DAB1: variants seen among roughly 807,000 people sequenced by gnomAD.
DAB1 encodes disabled homolog 1.
A neutral mutation model predicts 64.6 loss-of-function variants in DAB1; 15 were observed. That is an observed-to-expected ratio of 0.23 (90% CI 0.16 to 0.36). DAB1 has a LOEUF of 0.36. Ranked by LOEUF, DAB1 falls within the 10% of genes least tolerant of loss-of-function variation. The pLI, the probability that DAB1 is intolerant of heterozygous loss-of-function variation, is 1.00. For missense variants in DAB1, 596 were observed against 706.7 expected, an observed-to-expected ratio of 0.84 and a Z score of 1.78; for synonymous variants, 235 against 251.9, an observed-to-expected ratio of 0.93 and a Z score of 0.64.
At chr1:58,006,107 TG>T (rs904580054) in intron 5 of DAB1, among the ~76,000 whole-genome samples, 3 of 152,192 alleles carry the variant, frequency 2.0e-5, no homozygotes, top group African/African-American at 7.2e-5. Context: ...CACGAAGGCT[TG>T]GGGCCATGTC....
At chr1:57,827,277 C>T (rs1652392427) in intron 1 of DAB1, among the ~76,000 whole-genome samples, 1 of 152,128 alleles carries the variant, frequency 6.6e-6, no homozygotes, top group African/African-American at 2.4e-5. Flanking sequence ...TTAAAGGGAT[C>T]CTGTACTATA....
At chr1:58,053,696 A>G (rs1481661171) in intron 5 of DAB1, among the ~76,000 whole-genome samples, 1 of 152,244 alleles carries the variant, frequency 6.6e-6, no homozygotes, top group Non-Finnish European at 1.5e-5. Flanking sequence ...TAAAGATAAT[A>G]TATGAAAGTA....
At chr1:58,404,347 T>A in intron 3 of DAB1, among the ~76,000 whole-genome samples, 1 of 152,228 alleles carries the variant, frequency 6.6e-6, no homozygotes, top group East Asian at 1.9e-4. Context: ...GTCGAAAAGT[T>A]GTGGCCTTAG....
chr1:58,374,742 T>G (rs1644306706), intron 3 of DAB1, among the ~76,000 whole-genome samples: 1 of 141,392 alleles, frequency 7.1e-6, no homozygotes, highest in Non-Finnish European at 1.6e-5. Context: ...TTTATGGGGA[T>G]GGCATTGAAT....
chr1:57,151,206 G>A (rs1221801307), intron 2 of DAB1, among the ~76,000 whole-genome samples: 1 of 152,178 alleles, frequency 6.6e-6, no homozygotes, highest in South Asian at 2.1e-4. Context: ...ACCCAGGTTT[G>A]TTGTGAGGAT....
intron 7 of DAB1, among the ~76,000 whole-genome samples, chr1:57,447,281 C>G (rs1183175093): frequency 1.3e-5 from 2 of 152,176 alleles, no homozygotes; most frequent in Non-Finnish European, 2.9e-5. Context: ...GGACAAAGCT[C>G]TCTTAGTGAC....
At chr1:58,490,267 A>G (rs1645656617) in intron 3 of DAB1, among the ~76,000 whole-genome samples, 1 of 152,210 alleles carries the variant, frequency 6.6e-6, no homozygotes, top group South Asian at 2.1e-4. Flanking sequence ...GGAGCTGAAA[A>G]CCATGGCACA....
At chr1:57,538,378 G>A (rs906222308) in intron 7 of DAB1, among the ~76,000 whole-genome samples, 3 of 152,066 alleles carry the variant, frequency 2.0e-5, no homozygotes, top group African/African-American at 4.8e-5. Flanking sequence ...ATCACATCCT[G>A]TAAGGCCTTC....
chr1:57,734,172 G>A (rs1042558625), intron 6 of DAB1, among the ~76,000 whole-genome samples: 8 of 152,000 alleles, frequency 5.3e-5, no homozygotes, highest in Non-Finnish European at 1.0e-4. Context: ...GTAAAGTCTC[G>A]TCCTTGCCAT....
intron 9 of DAB1, among the ~76,000 whole-genome samples, chr1:57,055,718 C>T (rs1570605280): frequency 6.6e-6 from 1 of 152,154 alleles, no homozygotes; most frequent in Admixed American, 6.5e-5. Flanking sequence ...CTGACTGAGG[C>T]TCTAAGACAG....
intron 2 of DAB1, among the ~76,000 whole-genome samples, chr1:58,524,479 A>G (rs1335471812): frequency 1.3e-5 from 2 of 152,220 alleles, no homozygotes; most frequent in Non-Finnish European, 2.9e-5. Flanking sequence ...GAGTCTATAG[A>G]TAGGCCTTTC....
At chr1:58,530,191 C>A (rs1458308230) in intron 1 of DAB1, among the ~76,000 whole-genome samples, 1 of 152,128 alleles carries the variant, frequency 6.6e-6, no homozygotes, top group Non-Finnish European at 1.5e-5. Flanking sequence ...AATACCATGC[C>A]ATTTTTTATC....
At chr1:57,297,380 T>G (rs1673285404) in intron 1 of DAB1, among the ~76,000 whole-genome samples, 1 of 152,144 alleles carries the variant, frequency 6.6e-6, no homozygotes, top group Admixed American at 6.5e-5. Flanking sequence ...TTTCCTGTGA[T>G]TATATAAAAT....
chr1:57,375,862 G>A (rs960385058), intron 1 of DAB1, among the ~76,000 whole-genome samples: 1 of 152,218 alleles, frequency 6.6e-6, no homozygotes, highest in Non-Finnish European at 1.5e-5. Context: ...GACTGTTTAT[G>A]CATTCCTTCA....
At chr1:58,127,778 G>A (rs201894311) in intron 5 of DAB1, among the ~76,000 whole-genome samples, 22 of 149,924 alleles carry the variant, frequency 1.5e-4, no homozygotes, top group African/African-American at 4.5e-4. Flanking sequence ...GTAGATATGC[G>A]GTGTTATTTC....
intron 6 of DAB1, among the ~76,000 whole-genome samples, chr1:57,701,473 A>T (rs1646907223): frequency 6.6e-6 from 1 of 152,018 alleles, no homozygotes; most frequent in Non-Finnish European, 1.5e-5. Flanking sequence ...CAAACACCAC[A>T]TGTTCTCACT....
chr1:57,181,172 A>G (rs1662887887), intron 2 of DAB1, among the ~76,000 whole-genome samples: 3 of 152,234 alleles, frequency 2.0e-5, no homozygotes, highest in Admixed American at 1.3e-4. Context: ...AAAAGAAGTG[A>G]TGTTCAGAAA....
chr1:58,304,874 C>A (rs994495191), intron 4 of DAB1, among the ~76,000 whole-genome samples: 22 of 152,132 alleles, frequency 1.4e-4, no homozygotes, highest in African/African-American at 5.3e-4. Flanking sequence ...TCTCTTTTCA[C>A]ATGCATATGT....
upstream of DAB1, among the ~76,000 whole-genome samples, chr1:57,885,574 C>A (rs1421750838): frequency 6.6e-6 from 1 of 152,128 alleles, no homozygotes; most frequent in Admixed American, 6.5e-5. Context: ...AAATGTTGGG[C>A]TATAGTGATT....
Sources: allele counts gnomAD v4.1 joint callset (sites outside exome capture counted in the v4.1 genomes callset), GRCh38; gene constraint gnomAD v4.1.1; transcripts MANE v1.5; gene names NCBI Gene and HGNC (gene_info 2026-07-23, HGNC 2026-07-21).